CNMD: variants seen among roughly 807,000 people sequenced by gnomAD.
CNMD encodes the protein leukocyte cell-derived chemotaxin 1.
A neutral mutation model predicts 37.5 loss-of-function variants in CNMD; 30 were observed. The ratio of observed to expected loss-of-function variants is 0.80; its 90% CI spans 0.60 to 1.09. CNMD has a LOEUF of 1.09. Among genes scored for constraint, CNMD ranks in the 50% least tolerant of loss-of-function variants. The probability of loss-of-function intolerance (pLI) is 0.00; values close to 1 mark genes in which losing one functional copy is unlikely to be tolerated. For synonymous variants in CNMD, 167 were observed against 148.2 expected (o/e 1.13, Z -0.92); for missense variants, 398 against 423.9 (o/e 0.94, Z 0.54).
intron 2 of CNMD, among the ~76,000 whole-genome samples, chr13:52,737,627 A>C (rs1319021771): frequency 1.3e-5 from 2 of 152,224 alleles, no homozygotes; most frequent in African/African-American, 4.8e-5. Context: ...TACCAAAAAA[A>C]AGCATAGCTA....
In CNMD at chr13:52,734,254, G is replaced by A. The variant is rs935728860; in HGVS notation, c.214-895C>T. Among the ~76,000 whole-genome samples, 5 of 152,194 alleles carry A rather than the reference G, an allele frequency of 3.3e-5. 1 individual carries two copies. The highest frequency in any genetic ancestry group is 3.3e-4 in the Admixed American group (5 of 15,272). ...GGCTTTCATCTATGTCCTTAGAACT[G>A]TTGGGATCTCCCGGGCATGGCCTAG... is the stretch of plus-strand genomic sequence containing the variant. On this transcript the variant is annotated intron_variant, in intron 2 of 6. Coordinates refer to ENST00000377962, the MANE Select transcript of CNMD (RefSeq NM_007015.3).
intron 5 of CNMD, among the ~76,000 whole-genome samples, chr13:52,712,345 A>G (rs1594278196): frequency 6.6e-6 from 1 of 152,198 alleles, no homozygotes; most frequent in South Asian, 2.1e-4. Flanking sequence ...GCGGTATGAC[A>G]GTTTCTTAGT....
chr13:52,723,383 A>G (rs1964514733), intron 4 of CNMD, among the ~76,000 whole-genome samples: 1 of 152,078 alleles, frequency 6.6e-6, no homozygotes, highest in African/African-American at 2.4e-5. Flanking sequence ...ATGAGCCACC[A>G]TGCCTGCCTC....
intron 3 of CNMD, among the ~76,000 whole-genome samples, chr13:52,728,947 A>T (rs9526993): frequency 0.041 from 6,178 of 152,326 alleles, 149 homozygotes; most frequent in South Asian, 0.065. Flanking sequence ...AGGGAACTAA[A>T]AGAAGCACAA....
At chr13:52,731,595 C>T (rs931976503) in intron 3 of CNMD, among the ~76,000 whole-genome samples, 3 of 152,148 alleles carry the variant, frequency 2.0e-5, no homozygotes, top group African/African-American at 7.2e-5. Context: ...GAGAACAAAA[C>T]ACAATCGATA....
chr13:52,704,439 T>C (rs1410768230), intron 6 of CNMD, among the ~76,000 whole-genome samples: 3 of 117,848 alleles, frequency 2.5e-5, no homozygotes, highest in Non-Finnish European at 5.2e-5. Context: ...CCTTAAACTT[T>C]GCCTTCTAGT....
In CNMD at chr13:52,708,682, CTCT is replaced by C; in HGVS notation, c.640_642del (p.Arg214del). On this transcript the variant is annotated inframe_deletion, in exon 6 of 7. Coordinates refer to ENST00000377962, the MANE Select transcript of CNMD (RefSeq NM_007015.3). Reference sequence around the variant, plus strand: ...GTTGGAACAATTTTTCTTACCACTTCTCTTCTTTCCCTCTGGATTTCTGCAAAA... The same window carrying C: ...GTTGGAACAATTTTTCTTACCACTTCTCTTTCCCTCTGGATTTCTGCAAAA... The C allele has an allele frequency of 6.2e-7, 1 of 1,603,388 alleles. No individual in the cohort carries two copies. Among genetic ancestry groups the C allele is most frequent in the Middle Eastern group, 1.7e-4 (1 of 6,014 alleles).
intron 2 of CNMD, among the ~76,000 whole-genome samples, chr13:52,735,708 T>C (rs2138280030): frequency 6.6e-6 from 1 of 152,228 alleles, no homozygotes; most frequent in South Asian, 2.1e-4. Context: ...TCTCATAATG[T>C]TTTAAGAAAG....
chr13:52,714,540 G>A (rs1964338044), intron 4 of CNMD, among the ~76,000 whole-genome samples: 2 of 151,944 alleles, frequency 1.3e-5, no homozygotes, highest in South Asian at 2.1e-4. Context: ...TCACCATCAC[G>A]GCGAATTTAT....
rs1263271338 is a variant in CNMD, at chr13:52,739,205, T to C, written c.73-34A>G. ...CGGGGCGGGAGAGGGACCGTCGCGTTTGTGCCGCCAGCACCTGCGGCCCCC... is the reference window on the plus strand; with the variant it reads ...CGGGGCGGGAGAGGGACCGTCGCGTCTGTGCCGCCAGCACCTGCGGCCCCC... On this transcript the variant is annotated intron_variant, in intron 1 of 6. Coordinates refer to ENST00000377962, the MANE Select transcript of CNMD (RefSeq NM_007015.3). This position sits in a 1 kb window ranked among gnomAD's most constrained non-coding sequence, Gnocchi z 5.4. The C allele has an allele frequency of 6.9e-7, 1 of 1,446,450 alleles. No individual in the cohort carries two copies. The highest frequency in any genetic ancestry group is 9.1e-7 in the Non-Finnish European group (1 of 1,104,164). The allele number at this position is 1,446,450 out of a possible 1,614,324, so 89.6% of individuals were successfully genotyped here.
At chr13:52,737,706 C>G (rs1368461565) in intron 2 of CNMD, among the ~76,000 whole-genome samples, 1 of 152,184 alleles carries the variant, frequency 6.6e-6, no homozygotes, top group Non-Finnish European at 1.5e-5. Context: ...CATTCTAAAA[C>G]CACAGAATTT....
At chr13:52,728,845 T>C (rs192745796) in intron 3 of CNMD, among the ~76,000 whole-genome samples, 8 of 152,016 alleles carry the variant, frequency 5.3e-5, no homozygotes, top group Admixed American at 3.9e-4. Context: ...CCCCATGGGG[T>C]AGGAAGTGTG....
chr13:52,718,553 A>T (rs1216453789), intron 4 of CNMD, among the ~76,000 whole-genome samples: 1 of 152,098 alleles, frequency 6.6e-6, no homozygotes, highest in African/African-American at 2.4e-5. Context: ...TTTTGTTCTC[A>T]TTGATTTCAA....
chr13:52,738,842 C>T (rs1265967690), intron 2 of CNMD, among the ~76,000 whole-genome samples, 189 bp downstream of exon 2: 2 of 152,212 alleles, frequency 1.3e-5, no homozygotes, highest in Non-Finnish European at 2.9e-5. Flanking sequence ...GTGAAACCTT[C>T]ACTTGCTTTT....
In CNMD at chr13:52,733,258, A is replaced by G; in HGVS notation, c.315T>C (p.Ser105=). 2.5e-6 allele frequency: 4 copies of G among 1,614,128 alleles called. No individual in the cohort carries two copies. The highest frequency in any genetic ancestry group is 3.4e-6 in the Non-Finnish European group (4 of 1,179,968). Residue 105 remains serine (S), a synonymous_variant, in exon 3 of 7, where the codon AGT becomes AGC. Coordinates refer to ENST00000377962, the MANE Select transcript of CNMD (RefSeq NM_007015.3). Reference sequence around the variant, plus strand: ...TAACTGCAATTGCTTCTTCAGCTCCACTTCCCATTTTAAAGGTCTCCAAGT... The same window carrying G: ...TAACTGCAATTGCTTCTTCAGCTCCGCTTCCCATTTTAAAGGTCTCCAAGT... ...GNNLETFKMG[S]GAEEAIAVND...
At chr13:52,719,776 A>G (rs1217900247) in intron 4 of CNMD, among the ~76,000 whole-genome samples, 2 of 151,918 alleles carry the variant, frequency 1.3e-5, no homozygotes, top group Non-Finnish European at 2.9e-5. Context: ...CTTCATTTCA[A>G]TCTTGGTGAA....
At chr13:52,734,864 ACT>A (rs1267619332) in intron 2 of CNMD, among the ~76,000 whole-genome samples, 2 of 152,108 alleles carry the variant, frequency 1.3e-5, no homozygotes, top group African/African-American at 4.8e-5. Flanking sequence ...CTTGAAGAAA[ACT>A]CATTATTACA....
intron 4 of CNMD, among the ~76,000 whole-genome samples, chr13:52,714,786 C>G (rs1028444363): frequency 6.6e-6 from 1 of 151,996 alleles, no homozygotes; most frequent in Admixed American, 6.6e-5. Flanking sequence ...CACACACACA[C>G]GGAGAAAATT....
At chr13:52,711,981 T>C (rs1450020521) in intron 5 of CNMD, among the ~76,000 whole-genome samples, 2 of 152,210 alleles carry the variant, frequency 1.3e-5, no homozygotes, top group Non-Finnish European at 2.9e-5. Flanking sequence ...GAAAACAGCC[T>C]ATCTCAGCTG....
Sources: allele counts gnomAD v4.1 joint callset (sites outside exome capture counted in the v4.1 genomes callset), GRCh38; gene constraint gnomAD v4.1.1; non-coding constraint Gnocchi (gnomAD v3.1); transcripts MANE v1.5; gene names NCBI Gene and HGNC (gene_info 2026-07-23, HGNC 2026-07-21).